SBF2: variants seen among roughly 807,000 people sequenced by gnomAD.
SBF2 encodes myotubularin-related protein 13.
SBF2 carries 112 observed loss-of-function variants against 225.2 expected under a neutral mutation model. The observed-to-expected ratio is 0.50, with a 90% CI of 0.43 to 0.58. SBF2 has a LOEUF of 0.58. Among genes scored for constraint, SBF2 ranks in the 20% least tolerant of loss-of-function variants. The pLI is 0.00. For missense variants in SBF2, 1,996 were observed against 2,206.2 expected (o/e 0.90, Z 1.91); for synonymous variants, 763 against 773.3 (o/e 0.99, Z 0.22).
chr11:10,034,954 A>C (rs1211021001), intron 3 of SBF2, among the ~76,000 whole-genome samples: 1 of 152,232 alleles, frequency 6.6e-6, no homozygotes, highest in East Asian at 1.9e-4. Flanking sequence ...TCTGGGAAAT[A>C]ATGAATGCAT....
At chr11:9,892,062 G>A (rs1190209260) in intron 17 of SBF2, among the ~76,000 whole-genome samples, 3 of 152,164 alleles carry the variant, frequency 2.0e-5, no homozygotes, top group Non-Finnish European at 4.4e-5. Context: ...AAGAATCAAG[G>A]TGTGAAAATA....
At chr11:9,973,203 G>A (rs542047062) in intron 13 of SBF2, among the ~76,000 whole-genome samples, 21 of 152,314 alleles carry the variant, frequency 1.4e-4, no homozygotes, top group South Asian at 1.2e-3. Context: ...ACTGTATTCT[G>A]CATATACTTA....
Position 9,871,470 on chromosome 11 carries a change from CTTATTATTA to C in SBF2, c.1930-13083_1930-13075del, listed in dbSNP as rs375904547. On this transcript the variant is annotated intron_variant, in intron 17 of 39. Transcript: ENST00000256190. ...ACACCTCACACCAGACAGGATGACG[CTTATTATTA>C]TTATTATTATTATTATTATTATTAT... Among the ~76,000 whole-genome samples the C allele has an allele frequency of 2.0e-3, 271 of 136,936 alleles. 1 individual carries two copies. Among genetic ancestry groups the C allele is most frequent in the East Asian group, 7.2e-3 (35 of 4,848 alleles). The allele number at this position is 136,936 out of a possible 152,430, so 89.8% of individuals were successfully genotyped here. A position where few individuals can be genotyped will look rare whatever the true frequency, so the allele number is the denominator to read the frequency against.
intron 2 of SBF2, among the ~76,000 whole-genome samples, chr11:10,068,210 T>C (rs1348907769): frequency 6.6e-6 from 1 of 152,234 alleles, no homozygotes; most frequent in Non-Finnish European, 1.5e-5. Flanking sequence ...CATGTATTTA[T>C]ACAGTATTAA....
intron 6 of SBF2, among the ~76,000 whole-genome samples, chr11:10,014,092 C>A (rs1275252145): frequency 6.6e-6 from 1 of 152,058 alleles, no homozygotes; most frequent in African/African-American, 2.4e-5. Context: ...CTGTCCTAGC[C>A]CTAGTCCAAC....
At chr11:10,017,812 T>C (rs115504803) in intron 6 of SBF2, among the ~76,000 whole-genome samples, 273 of 152,212 alleles carry the variant, frequency 1.8e-3, no homozygotes, top group African/African-American at 6.2e-3. Flanking sequence ...CAAACACATA[T>C]GACTAAAAAT....
At chr11:9,967,658 G>C (rs1011242729) in intron 14 of SBF2, among the ~76,000 whole-genome samples, 45 of 152,140 alleles carry the variant, frequency 3.0e-4, no homozygotes, top group African/African-American at 1.1e-3. Context: ...GCTCACGACT[G>C]TAATCCCAAC....
At chr11:9,785,440 CA>C (rs1297375446) in intron 36 of SBF2, 122 bp from the exon 37 acceptor site, 1 of 790,932 alleles carries the variant, frequency 1.3e-6, no homozygotes, top group Admixed American at 2.0e-5. Flanking sequence ...CAATAATGTA[CA>C]AAGGTATCAA....
At chr11:10,105,805 G>C (rs1352458822) in intron 2 of SBF2, among the ~76,000 whole-genome samples, 1 of 152,212 alleles carries the variant, frequency 6.6e-6, no homozygotes, top group Non-Finnish European at 1.5e-5. Context: ...CATTCTGGCA[G>C]ATTCTATAGC....
chr11:10,179,015 T>TA (rs1333315920), intron 2 of SBF2, among the ~76,000 whole-genome samples: 1 of 141,118 alleles, frequency 7.1e-6, no homozygotes, highest in Non-Finnish European at 1.5e-5. Context: ...TATGCAGCCA[T>TA]AAAAAATGAT....
At chr11:9,852,870 G>T (rs112972860) in intron 20 of SBF2, 121 bp from the exon 21 acceptor site, 15 of 790,138 alleles carry the variant, frequency 1.9e-5, no homozygotes, top group Non-Finnish European at 2.7e-5. Flanking sequence ...AAGTTAAAGA[G>T]AATTACCATT....
At chr11:10,291,931 G>C (rs997800306) in intron 1 of SBF2, among the ~76,000 whole-genome samples, 1 of 152,156 alleles carries the variant, frequency 6.6e-6, no homozygotes, top group African/African-American at 2.4e-5. Context: ...TCCTTCCCAC[G>C]TGCATATTCG....
At chr11:9,822,842 T>G (rs1306832513) in intron 28 of SBF2, among the ~76,000 whole-genome samples, 1 of 140,154 alleles carries the variant, frequency 7.1e-6, no homozygotes, top group Non-Finnish European at 1.7e-5. Context: ...ACTAGATGTA[T>G]TCAGTAAATA....
At chr11:10,278,512 G>C (rs1455394674) in intron 1 of SBF2, among the ~76,000 whole-genome samples, 7 of 152,208 alleles carry the variant, frequency 4.6e-5, no homozygotes, top group Non-Finnish European at 7.3e-5. Flanking sequence ...AGGGCGCAGA[G>C]GCTCATGTCT....
intron 2 of SBF2, among the ~76,000 whole-genome samples, chr11:10,063,426 C>T (rs968842424): frequency 3.3e-5 from 5 of 150,856 alleles, no homozygotes; most frequent in African/African-American, 7.3e-5. Context: ...GGCGTGATCT[C>T]GGCTCACTGC....
At position 10,123,933 on chromosome 11, in the gene SBF2, A is replaced by G. The variant is rs566262342; in HGVS notation, c.141+69969T>C. The stretch of plus-strand genomic sequence containing the variant: ...TCAGTATTTTGCTATTCCAAGAAAC[A>G]CCAATGAATATGCTTATAACAAATT... On this transcript the variant is annotated intron_variant, in intron 2 of 39. Transcript: ENST00000256190. Among the ~76,000 whole-genome samples the G allele has an allele frequency of 7.9e-5, 12 of 152,322 alleles. No homozygotes were observed. In the South Asian group the frequency reaches 8.3e-4, roughly 11 times the overall value.
At position 10,294,022 on chromosome 11, in the gene SBF2, C is replaced by T. The variant is rs889453292; in HGVS notation, c.48G>A (p.Glu16=). 5.1e-5 allele frequency: 72 copies of T among 1,403,092 alleles called. No individual in the cohort carries two copies. The highest frequency in any genetic ancestry group is 5.9e-5 in the Non-Finnish European group (63 of 1,072,518). The allele number at this position is 1,403,092 out of a possible 1,614,324, so 86.9% of individuals were successfully genotyped here. The change falls in exon 1 of 40, where the codon GAG becomes GAA. Residue 16 remains glutamate, a synonymous_variant. Transcript: ENST00000256190. ...DYFIVVGYDH[E]KPGSGEGLGK... ...GCCGCCCCACACCCTTACCTGGCTT[C>T]TCGTGGTCATAGCCTACCACGATGA...
chr11:10,232,541 T>C (rs1350552273), intron 1 of SBF2, among the ~76,000 whole-genome samples: 1 of 151,530 alleles, frequency 6.6e-6, no homozygotes, highest in Admixed American at 6.6e-5. Flanking sequence ...GTTTCTTTTT[T>C]ACATTTTTAT....
intron 1 of SBF2, among the ~76,000 whole-genome samples, chr11:10,209,835 T>C (rs1957870211): frequency 6.6e-6 from 1 of 152,100 alleles, no homozygotes. Flanking sequence ...TTTCCTTTCA[T>C]ATAAAAGATG....
Sources: gnomAD v4.1 joint callset for allele counts (sites outside exome capture counted in the v4.1 genomes callset) on GRCh38, gnomAD v4.1.1 for gene constraint, MANE v1.5 for transcripts, NCBI Gene and HGNC (gene_info 2026-07-23, HGNC 2026-07-21) for gene names.